The following ANAPC5 variants were observed in gnomAD, a reference collection of about 807,000 sequenced individuals.
The protein encoded by ANAPC5 is anaphase promoting complex subunit 5.
Under a neutral mutation model 91.3 loss-of-function variants are expected in ANAPC5, and 60 were observed. That is an observed-to-expected ratio of 0.66 (90% CI 0.53 to 0.81). The LOEUF is 0.81. Ranked by LOEUF, ANAPC5 falls within the 40% of genes least tolerant of loss-of-function variation. The pLI is 0.00. For missense variants in ANAPC5, 690 were observed against 931.5 expected (o/e 0.74, Z 3.37); for synonymous variants, 340 against 364.1 (o/e 0.93, Z 0.75).
intron 7 of ANAPC5, chr12:121,333,631 A>C (rs1358947740): frequency 1.3e-5 from 2 of 152,178 alleles, no homozygotes; most frequent in African/African-American, 4.8e-5. Flanking sequence ...AATACCCTTA[A>C]TAACATCTTT....
chr12:121,317,395 A>G (rs187997345), intron 15 of ANAPC5, among the ~76,000 whole-genome samples: 134 of 151,960 alleles, frequency 8.8e-4, no homozygotes, highest in East Asian at 4.5e-3. Context: ...CTGGGATTAC[A>G]GGCACGTGCC....
rs1281677852 is a variant in ANAPC5 at position 121,342,349 on chromosome 12, C to A, written c.591-280G>T. The stretch of plus-strand genomic sequence containing the variant: ...AACCAATGATGCTGGGAAAACTGCA[C>A]ATCCACATGCAAAAGCATGAAGGTG... On this transcript the variant is annotated intron_variant, in intron 4 of 16. Coordinates refer to ENST00000261819, the MANE Select transcript of ANAPC5 (RefSeq NM_016237.5). This position sits in a 1 kb window ranked among gnomAD's most constrained non-coding sequence, Gnocchi z 4.1. Among the ~76,000 whole-genome samples, 3 of 152,240 alleles carry A rather than the reference C, an allele frequency of 2.0e-5. No homozygotes were observed. Among genetic ancestry groups the A allele is most frequent in the Non-Finnish European group, 2.9e-5 (2 of 68,010 alleles).
Position 121,335,853 on chromosome 12 carries a change from G to A in ANAPC5, c.760-130C>T, listed in dbSNP as rs1325005206. Reference sequence around the variant, plus strand: ...CTTCTAATAAGATGGTCATAGTTTAGCTTAATCTTCTCCCTAGAGGCAGAA... The same window carrying A: ...CTTCTAATAAGATGGTCATAGTTTAACTTAATCTTCTCCCTAGAGGCAGAA... On this transcript the variant is annotated intron_variant, in intron 6 of 16. Coordinates refer to ENST00000261819, the MANE Select transcript of ANAPC5 (RefSeq NM_016237.5). 2.0e-5 allele frequency: 14 copies of A among 712,702 alleles called. No homozygotes were observed. In the East Asian group the frequency reaches 3.8e-4, roughly 20 times the overall value. The allele number at this position is 712,702 out of a possible 1,614,324, so 44.1% of individuals were successfully genotyped here.
At chr12:121,316,747 A>G (rs1166018525) in intron 15 of ANAPC5, among the ~76,000 whole-genome samples, 1 of 151,000 alleles carries the variant, frequency 6.6e-6, no homozygotes, top group South Asian at 2.1e-4. Flanking sequence ...AAAAAAAAAA[A>G]AAAAAAAAAA....
At chr12:121,332,757 A>G (rs1308800916) in intron 7 of ANAPC5, 3 of 152,202 alleles carry the variant, frequency 2.0e-5, no homozygotes, top group Non-Finnish European at 2.9e-5. Flanking sequence ...TGAGTAAATC[A>G]GGAATTAAGG....
At chr12:121,338,076 T>C (rs1903313043) in intron 5 of ANAPC5, among the ~76,000 whole-genome samples, 2 of 152,148 alleles carry the variant, frequency 1.3e-5, no homozygotes, top group South Asian at 4.1e-4. Flanking sequence ...TTTCTATAAG[T>C]AAAATAATTT....
At chr12:121,321,719 G>A (rs1318296687) in intron 11 of ANAPC5, among the ~76,000 whole-genome samples, 1 of 151,872 alleles carries the variant, frequency 6.6e-6, no homozygotes, top group Non-Finnish European at 1.5e-5. Flanking sequence ...TGTATTTTTA[G>A]TAGAGGCAGT....
Position 121,308,665 on chromosome 12 carries a change from T to G in ANAPC5, c.2083A>C (p.Asn695His), listed in dbSNP as rs747585181. 1.2e-6 allele frequency: 2 copies of G among 1,614,162 alleles called. No homozygotes were observed. The highest frequency in any genetic ancestry group is 1.7e-6 in the Non-Finnish European group (2 of 1,180,008). Reference protein sequence around the residue: ...EALEAAIENLNEAKNYFAKVD... With the variant: ...EALEAAIENLHEAKNYFAKVD... The stretch of plus-strand genomic sequence containing the variant: ...TTTGCAAAATAGTTCTTGGCTTCAT[T>G]GAGGTTCTCGATGGCAGCCTCCAGA... The change falls in exon 17 of 17, where the codon AAT becomes CAT. Residue 695 changes from asparagine (N) to histidine (H), a missense_variant. This residue lies in a region of ANAPC5 where 317 missense variants were observed against 438.7 expected (regional missense o/e 0.72). Coordinates refer to ENST00000261819, the MANE Select transcript of ANAPC5 (RefSeq NM_016237.5).
chr12:121,353,653 G>C (rs1903988565), upstream of ANAPC5, among the ~76,000 whole-genome samples: 2 of 151,896 alleles, frequency 1.3e-5, no homozygotes, highest in South Asian at 2.1e-4. Flanking sequence ...TGTTAGCCAG[G>C]ATGGTCTCAA....
At chr12:121,350,805 G>A (rs1903857745) in intron 1 of ANAPC5, among the ~76,000 whole-genome samples, 1 of 152,156 alleles carries the variant, frequency 6.6e-6, no homozygotes, top group African/African-American at 2.4e-5. Flanking sequence ...ACAAAAACAG[G>A]ACTAAGTACT....
At position 121,308,550 on chromosome 12, in the gene ANAPC5, C is replaced by A. The variant is rs936215671; in HGVS notation, c.2198G>T (p.Cys733Phe). ...TLGKTQERNR[C>F]AMLFRQLHQE... ...ATGCAGCTGCCGGAAGAGCATCGCACACCGGTTCCTCTCCTGGGTCTTCCC... is the reference window on the plus strand; with the variant it reads ...ATGCAGCTGCCGGAAGAGCATCGCAAACCGGTTCCTCTCCTGGGTCTTCCC... Residue 733 changes from cysteine to phenylalanine, a missense_variant, in exon 17 of 17, where the codon TGT (cysteine) becomes TTT (phenylalanine). This residue lies in a region of ANAPC5 where 317 missense variants were observed against 438.7 expected (regional missense o/e 0.72). Transcript: ENST00000261819. The A allele has an allele frequency of 1.9e-6, 3 of 1,614,190 alleles. No homozygotes were observed. The highest frequency in any genetic ancestry group is 1.7e-5 in the Admixed American group (1 of 60,016).
chr12:121,313,081 T>C (rs1248748713), intron 15 of ANAPC5, among the ~76,000 whole-genome samples: 4 of 152,100 alleles, frequency 2.6e-5, no homozygotes, highest in Non-Finnish European at 5.9e-5. Context: ...ATCCCAGCAC[T>C]TTGGGAGGCC....
At chr12:121,335,825 A>G in intron 6 of ANAPC5, 102 bp from the exon 7 acceptor site, 1 of 931,924 alleles carries the variant, frequency 1.1e-6, no homozygotes, top group Non-Finnish European at 1.6e-6. Flanking sequence ...TGTATCCCAT[A>G]CCCTTCTAAT....
chr12:121,330,238 C>T (rs1254670604), intron 9 of ANAPC5, among the ~76,000 whole-genome samples: 1 of 152,108 alleles, frequency 6.6e-6, no homozygotes, highest in East Asian at 1.9e-4. Flanking sequence ...GGCCCAAGGG[C>T]GGGAAAGTTC....
At chr12:121,332,611 G>A (rs1278747515) in intron 7 of ANAPC5, 3 of 150,232 alleles carry the variant, frequency 2.0e-5, no homozygotes, top group African/African-American at 4.9e-5. Context: ...TGTATCCCTA[G>A]TACCTACAAT....
intron 12 of ANAPC5, 35 bp from the exon 13 acceptor site, chr12:121,319,853 T>A: frequency 6.3e-7 from 1 of 1,575,778 alleles, no homozygotes. Context: ...AAGTACAAAA[T>A]GGCGAATGTT....
intron 4 of ANAPC5, among the ~76,000 whole-genome samples, chr12:121,345,483 T>C (rs1371469388): frequency 6.6e-6 from 1 of 152,116 alleles, no homozygotes; most frequent in Non-Finnish European, 1.5e-5. Flanking sequence ...ACCTGGGGCC[T>C]GCAAACACTT....
At chr12:121,334,901 T>C (rs749191943) in intron 7 of ANAPC5, 2 of 152,108 alleles carry the variant, frequency 1.3e-5, no homozygotes, top group Non-Finnish European at 2.9e-5. Context: ...TTAGAAGTAA[T>C]GAAAGAGGCT....
intron 4 of ANAPC5, among the ~76,000 whole-genome samples, chr12:121,343,832 G>A (rs1903553725): frequency 6.6e-6 from 1 of 152,164 alleles, no homozygotes; most frequent in African/African-American, 2.4e-5. Flanking sequence ...TAGGGCAGGT[G>A]GGGCTTAATT....
Sources: allele counts gnomAD v4.1 joint callset (sites outside exome capture counted in the v4.1 genomes callset), GRCh38; gene constraint gnomAD v4.1.1; regional missense constraint gnomAD v4.1.1; non-coding constraint Gnocchi (gnomAD v3.1); transcripts MANE v1.5; gene names NCBI Gene and HGNC (gene_info 2026-07-23, HGNC 2026-07-21).